The following C10orf90 variants were observed in gnomAD, a reference collection of about 807,000 sequenced individuals.
The protein encoded by C10orf90 is chromosome 10 open reading frame 90.
A neutral mutation model predicts 62.5 loss-of-function variants in C10orf90; 56 were observed. The observed-to-expected ratio is 0.90, with a 90% CI of 0.72 to 1.12. The LOEUF (loss-of-function observed/expected upper bound fraction) is 1.12. C10orf90 is among the 50% of genes most tolerant of loss of function. The probability of loss-of-function intolerance (pLI) is 0.00; values close to 1 mark genes in which losing one functional copy is unlikely to be tolerated. For missense variants in C10orf90, 970 were observed against 880.4 expected, an observed-to-expected ratio of 1.10 and a Z score of -1.29; for synonymous variants, 386 against 340.4, an observed-to-expected ratio of 1.13 and a Z score of -1.47.
At chr10:126,587,670 G>A (rs1844900034) in intron 2 of C10orf90, among the ~76,000 whole-genome samples, 1 of 152,204 alleles carries the variant, frequency 6.6e-6, no homozygotes. Context: ...CTCTGCTAGA[G>A]CCTTAGAGGT....
chr10:126,664,555 G>C (rs1385465218), intron 1 of C10orf90, among the ~76,000 whole-genome samples: 2 of 152,128 alleles, frequency 1.3e-5, no homozygotes, highest in Non-Finnish European at 2.9e-5. Flanking sequence ...TCAACCCGGT[G>C]CTCTTTCTCT....
chr10:126,434,794 G>A (rs2134000463), intron 7 of C10orf90, among the ~76,000 whole-genome samples: 1 of 152,312 alleles, frequency 6.6e-6, no homozygotes, highest in East Asian at 1.9e-4. Context: ...GGCCGTTAGA[G>A]TAATTCCATC....
At chr10:126,517,621 A>C (rs977690237) in intron 2 of C10orf90, among the ~76,000 whole-genome samples, 1 of 152,180 alleles carries the variant, frequency 6.6e-6, no homozygotes, top group Non-Finnish European at 1.5e-5. Context: ...TTAGGAATAC[A>C]AAGGTTGGGG....
chr10:126,545,111 C>A (rs1864461217), intron 2 of C10orf90, among the ~76,000 whole-genome samples: 1 of 152,164 alleles, frequency 6.6e-6, no homozygotes, highest in Non-Finnish European at 1.5e-5. Context: ...GCGTAATGCA[C>A]CCCCGCTTCC....
intron 7 of C10orf90, among the ~76,000 whole-genome samples, chr10:126,437,721 TG>T (rs1469733919): frequency 6.6e-6 from 1 of 152,190 alleles, no homozygotes. Context: ...CAAATTTAAC[TG>T]GGCATCCTAT....
intron 1 of C10orf90, among the ~76,000 whole-genome samples, chr10:126,652,349 A>C (rs1846308487): frequency 6.6e-6 from 1 of 152,228 alleles, no homozygotes. Context: ...ATCTGATTGC[A>C]AATGGTAGGA....
chr10:126,431,214 A>C (rs1164537061), intron 7 of C10orf90, among the ~76,000 whole-genome samples: 2 of 152,216 alleles, frequency 1.3e-5, no homozygotes, highest in Non-Finnish European at 1.5e-5. Flanking sequence ...CTTTATGGAG[A>C]ACAATGCCTT....
intron 5 of C10orf90, 120 bp from the exon 6 acceptor site, chr10:126,461,705 G>A: frequency 9.8e-7 from 1 of 1,015,366 alleles, no homozygotes; most frequent in Non-Finnish European, 1.4e-6. Flanking sequence ...ACTATTAATG[G>A]GCCTCGTTAA....
chr10:126,459,636 G>C lies in C10orf90; in HGVS notation c.2011-419C>G, dbSNP rs76929868. Among the ~76,000 whole-genome samples the C allele has an allele frequency of 1.9e-4, 29 of 152,348 alleles. No individual in the cohort carries two copies. In the East Asian group the frequency reaches 5.6e-3, roughly 29 times the overall value. Reference sequence around the variant, plus strand: ...GAGTCACTTGCTTCTGTTGCACTTGGAAGCCCCAAGAAGCACAGACACAGA... The same window carrying C: ...GAGTCACTTGCTTCTGTTGCACTTGCAAGCCCCAAGAAGCACAGACACAGA... On this transcript the variant is annotated intron_variant, in intron 6 of 9. Transcript: ENST00000488181.
At chr10:126,478,381 G>A (rs560545437) in intron 4 of C10orf90, among the ~76,000 whole-genome samples, 2 of 152,332 alleles carry the variant, frequency 1.3e-5, no homozygotes, top group African/African-American at 4.8e-5. Flanking sequence ...ACTGGAAAAT[G>A]CGACAAGAAC....
chr10:126,463,814 C>T (rs943726392), intron 5 of C10orf90, among the ~76,000 whole-genome samples: 3 of 152,236 alleles, frequency 2.0e-5, no homozygotes, highest in Non-Finnish European at 4.4e-5. Flanking sequence ...TGCTGCTGAC[C>T]GTTTCCTGTG....
intron 4 of C10orf90, among the ~76,000 whole-genome samples, chr10:126,491,857 T>C (rs1329794417): frequency 6.6e-6 from 1 of 152,200 alleles, no homozygotes; most frequent in Admixed American, 6.5e-5. Flanking sequence ...GAAAAGCAGA[T>C]TCCAAACTTA....
chr10:126,495,777 G>C lies in C10orf90; in HGVS notation c.1534+8180C>G, dbSNP rs1862013834. On this transcript the variant is annotated intron_variant, in intron 4 of 9. Coordinates refer to ENST00000488181, the MANE Select transcript of C10orf90 (RefSeq NM_001350921.2). ...TTTGCTCTATTTTCCAGGGTCATCT[G>C]TATCTAGAATACTTTTTCTTTCAGA... 8.5e-5 allele frequency among the ~76,000 whole-genome samples: 13 copies of C among 152,280 alleles called. No homozygotes were observed. The South Asian group carries it at 2.5e-3, about 29-fold the overall frequency.
chr10:126,576,705 GTA>G lies in C10orf90; in HGVS notation c.314-62768_314-62767del, dbSNP rs377730398. On this transcript the variant is annotated intron_variant, in intron 2 of 9. Transcript: ENST00000488181. ...TATACATATACATGTATATGTATAT[GTA>G]TATATATACAAGATATACATATATA... Among the ~76,000 whole-genome samples, 226 of 69,274 alleles carry G rather than the reference GTA, an allele frequency of 3.3e-3. 29 individuals carry two copies. The highest frequency in any genetic ancestry group is 0.012 in the African/African-American group (187 of 15,228). 45.4% of individuals were successfully genotyped at this position (69,274 alleles called of 152,430 possible).
At chr10:126,661,434 A>T (rs573747291) in intron 1 of C10orf90, among the ~76,000 whole-genome samples, 1 of 152,292 alleles carries the variant, frequency 6.6e-6, no homozygotes, top group South Asian at 2.1e-4. Context: ...TGCCAAGGTC[A>T]CTCAGCTAGT....
At chr10:126,526,341 C>G (rs940402742) in intron 2 of C10orf90, among the ~76,000 whole-genome samples, 8 of 151,546 alleles carry the variant, frequency 5.3e-5, no homozygotes, top group Non-Finnish European at 8.8e-5. Flanking sequence ...GCCTCCCAGG[C>G]TCACGCCATT....
chr10:126,661,642 C>G (rs897569138), intron 1 of C10orf90, among the ~76,000 whole-genome samples: 1 of 151,774 alleles, frequency 6.6e-6, no homozygotes. Flanking sequence ...GTCTCTCCCT[C>G]TCTGAATCTC....
At chr10:126,447,377 G>C (rs11524814) in intron 7 of C10orf90, among the ~76,000 whole-genome samples, 1 of 152,118 alleles carries the variant, frequency 6.6e-6, no homozygotes, top group African/African-American at 2.4e-5. Context: ...AAAGAGAGCA[G>C]AGGTAGCTAT....
At chr10:126,466,430 A>G (rs1160741717) in intron 4 of C10orf90, among the ~76,000 whole-genome samples, 1 of 152,192 alleles carries the variant, frequency 6.6e-6, no homozygotes, top group Non-Finnish European at 1.5e-5. Context: ...AATGTCTTAC[A>G]TATAAAAAGG....
Sources: gnomAD v4.1 joint callset for allele counts (sites outside exome capture counted in the v4.1 genomes callset) on GRCh38, gnomAD v4.1.1 for gene constraint, MANE v1.5 for transcripts, NCBI Gene and HGNC (gene_info 2026-07-23, HGNC 2026-07-21) for gene names.